CSMD1: variants seen among roughly 807,000 people sequenced by gnomAD.
CSMD1 encodes CUB and sushi domain-containing protein 1.
Under a neutral mutation model 417.5 loss-of-function variants are expected in CSMD1, and 213 were observed. The ratio of observed to expected loss-of-function variants is 0.51; its 90% CI spans 0.46 to 0.57. The LOEUF (loss-of-function observed/expected upper bound fraction) is 0.57. Among genes scored for constraint, CSMD1 ranks in the 20% least tolerant of loss-of-function variants. The probability of loss-of-function intolerance (pLI) is 0.00; values close to 1 mark genes in which losing one functional copy is unlikely to be tolerated. For synonymous variants in CSMD1, 2,862 were observed against 1,736.8 expected (o/e 1.65, Z -16.11); for missense variants, 6,923 against 4,529.7 (o/e 1.53, Z -15.17).
At chr8:4,415,305 C>T (rs1186979393) in intron 3 of CSMD1, among the ~76,000 whole-genome samples, 1 of 152,178 alleles carries the variant, frequency 6.6e-6, no homozygotes, top group African/African-American at 2.4e-5. Context: ...TTCTCAAAGA[C>T]AGGCATCTGT....
intron 10 of CSMD1, among the ~76,000 whole-genome samples, chr8:3,519,080 G>T (rs1214841432): frequency 2.0e-5 from 3 of 152,136 alleles, no homozygotes; most frequent in African/African-American, 7.2e-5. Context: ...TAAGGAATTT[G>T]ACTTTTGTGC....
chr8:4,113,389 GCTTTT>G (rs1324445511), intron 3 of CSMD1, among the ~76,000 whole-genome samples: 14 of 93,438 alleles, frequency 1.5e-4, no homozygotes, highest in African/African-American at 5.6e-4. Context: ...AAATAAAAGG[GCTTTT>G]TTTTTTTTTT....
chr8:3,584,570 A>G (rs1800519378), intron 9 of CSMD1, among the ~76,000 whole-genome samples: 1 of 152,186 alleles, frequency 6.6e-6, no homozygotes, highest in Non-Finnish European at 1.5e-5. Flanking sequence ...GGATACTGAG[A>G]AAGGGCTTTG....
chr8:2,982,591 C>T (rs933660165), intron 54 of CSMD1, among the ~76,000 whole-genome samples: 8 of 152,268 alleles, frequency 5.3e-5, no homozygotes, highest in Middle Eastern at 3.4e-3. Context: ...TCACTGTTCC[C>T]GTGGCATGCC....
chr8:4,236,577 C>T (rs141937811), intron 3 of CSMD1, among the ~76,000 whole-genome samples: 2 of 152,262 alleles, frequency 1.3e-5, no homozygotes, highest in East Asian at 1.9e-4. Context: ...GTTTTCAATA[C>T]TAAATGAGCT....
intron 7 of CSMD1, among the ~76,000 whole-genome samples, chr8:3,636,786 C>G (rs1221706284): frequency 6.6e-6 from 1 of 152,148 alleles, no homozygotes; most frequent in Admixed American, 6.5e-5. Context: ...CACTTCCACA[C>G]TTTGAGTTTC....
intron 7 of CSMD1, among the ~76,000 whole-genome samples, chr8:3,671,560 CATATATATAT>C (rs752837903): frequency 6.1e-4 from 4 of 6,540 alleles, no homozygotes; most frequent in African/African-American, 1.0e-3. Context: ...TATATATGAT[CATATATATAT>C]ATATATATAT....
intron 2 of CSMD1, among the ~76,000 whole-genome samples, chr8:4,514,380 G>T (rs543519589): frequency 6.6e-6 from 1 of 152,200 alleles, no homozygotes; most frequent in African/African-American, 2.4e-5. Context: ...CTGAATTTTA[G>T]GGGGACACAG....
chr8:3,518,840 T>C (rs1033870842), intron 10 of CSMD1, among the ~76,000 whole-genome samples: 7 of 152,158 alleles, frequency 4.6e-5, no homozygotes, highest in African/African-American at 1.7e-4. Flanking sequence ...ATAAATATTA[T>C]TCACATCGCC....
chr8:4,495,229 T>G (rs941006), intron 2 of CSMD1, among the ~76,000 whole-genome samples: 4 of 152,136 alleles, frequency 2.6e-5, no homozygotes, highest in Admixed American at 2.0e-4. Context: ...GGATTAATAA[T>G]GGGAAACTAC....
In CSMD1 at chr8:4,040,639, G is replaced by C. The variant is rs112153888; in HGVS notation, c.416-8540C>G. Among the ~76,000 whole-genome samples, 1,296 of 152,240 alleles carry C rather than the reference G, an allele frequency of 8.5e-3. 22 individuals are homozygous for C. The highest frequency in any genetic ancestry group is 0.03 in the African/African-American group (1,240 of 41,534). On this transcript the variant is annotated intron_variant, in intron 3 of 69. Transcript: ENST00000635120. The stretch of plus-strand genomic sequence containing the variant: ...TTACGATGTTTTCTTAGGTAGAATG[G>C]AGGGCACAACCATAACATAGTTTTA...
intron 3 of CSMD1, among the ~76,000 whole-genome samples, chr8:4,049,030 A>C (rs1002699311): frequency 5.9e-5 from 9 of 152,162 alleles, no homozygotes; most frequent in Non-Finnish European, 1.3e-4. Context: ...TTCAAGACTC[A>C]CCACCCATCT....
intron 5 of CSMD1, among the ~76,000 whole-genome samples, chr8:3,926,103 A>AC (rs1554488637): frequency 2.3e-5 from 2 of 86,518 alleles, no homozygotes; most frequent in African/African-American, 4.3e-5. Flanking sequence ...ACACACACAC[A>AC]CACACACACA....
chr8:4,642,301 A>C lies in CSMD1; in HGVS notation c.86-4743T>G, dbSNP rs998561207. Reference sequence around the variant, plus strand: ...TCCTATGACAATTTTCTACTTTGAAAGCCTGTCTCAGAAACACCCAGCTTA... The same window carrying C: ...TCCTATGACAATTTTCTACTTTGAACGCCTGTCTCAGAAACACCCAGCTTA... On this transcript the variant is annotated intron_variant, in intron 1 of 69. Coordinates refer to ENST00000635120, the MANE Select transcript of CSMD1 (RefSeq NM_033225.6). Among the ~76,000 whole-genome samples the C allele has an allele frequency of 3.3e-5, 5 of 152,286 alleles. No homozygotes were observed. In the South Asian group the frequency reaches 1.0e-3, roughly 32 times the overall value.
chr8:4,952,693 CATTAAAATGAGT>C (rs1307528229), intron 1 of CSMD1, among the ~76,000 whole-genome samples: 5 of 151,952 alleles, frequency 3.3e-5, no homozygotes, highest in South Asian at 4.1e-4. Context: ...ACATGGAATA[CATTAAAATGAGT>C]ATTAAAATGA....
At chr8:3,061,599 T>A (rs74755435) in intron 49 of CSMD1, among the ~76,000 whole-genome samples, 5,334 of 152,114 alleles carry the variant, frequency 0.035, 308 homozygotes, top group African/African-American at 0.12. Flanking sequence ...CATCTTGAGC[T>A]TACACGAACC....
At chr8:4,101,781 G>C (rs1034848118) in intron 3 of CSMD1, among the ~76,000 whole-genome samples, 3 of 152,174 alleles carry the variant, frequency 2.0e-5, no homozygotes, top group Middle Eastern at 3.2e-3. Flanking sequence ...GCAAATGCTG[G>C]GTACAGAAGT....
chr8:4,308,459 G>A (rs1450016135), intron 3 of CSMD1, among the ~76,000 whole-genome samples: 3 of 152,114 alleles, frequency 2.0e-5, no homozygotes, highest in Admixed American at 1.3e-4. Context: ...AGAAAAGGAT[G>A]TGATCTTCAG....
intron 10 of CSMD1, among the ~76,000 whole-genome samples, chr8:3,501,864 G>T (rs1585262283): frequency 6.6e-6 from 1 of 152,262 alleles, no homozygotes; most frequent in East Asian, 1.9e-4. Context: ...AACTAAAAAT[G>T]TAATTAATGA....
Sources: allele counts gnomAD v4.1 joint callset (sites outside exome capture counted in the v4.1 genomes callset), GRCh38; gene constraint gnomAD v4.1.1; transcripts MANE v1.5; gene names NCBI Gene and HGNC (gene_info 2026-07-23, HGNC 2026-07-21).